SERPINA6: variants seen among roughly 807,000 people sequenced by gnomAD.
SERPINA6 encodes serpin family A member 6.
In SERPINA6, 19 loss-of-function variants were observed where a neutral mutation model predicts 26.4. The observed-to-expected ratio is 0.72, with a 90% CI of 0.50 to 1.06. The LOEUF (loss-of-function observed/expected upper bound fraction) is 1.06, where lower values mean the gene tolerates loss of function less well. Ranked by LOEUF, SERPINA6 falls within the 50% of genes least tolerant of loss-of-function variation. SERPINA6 has a pLI of 0.00. For missense variants in SERPINA6, 473 were observed against 504.0 expected (o/e 0.94, Z 0.59); for synonymous variants, 196 against 199.4 (o/e 0.98, Z 0.14).
At chr14:94,309,346 G>A (rs2139717774) in intron 3 of SERPINA6, among the ~76,000 whole-genome samples, 1 of 152,040 alleles carries the variant, frequency 6.6e-6, no homozygotes, top group African/African-American at 2.4e-5. Flanking sequence ...TTTCTATGGG[G>A]TCTTCCAAGA....
chr14:94,311,517 TAGG>T (rs1362781646), intron 2 of SERPINA6, among the ~76,000 whole-genome samples: 1 of 152,108 alleles, frequency 6.6e-6, no homozygotes, highest in African/African-American at 2.4e-5. Flanking sequence ...CAAAAAGTTC[TAGG>T]AGAATTGGTG....
At chr14:94,318,036 C>G (rs552710461) in intron 1 of SERPINA6, among the ~76,000 whole-genome samples, 2 of 152,220 alleles carry the variant, frequency 1.3e-5, no homozygotes, top group Non-Finnish European at 2.9e-5. Flanking sequence ...TTTCCCACCA[C>G]TAACAAAGAA....
In SERPINA6 at chr14:94,304,444, G is replaced by A; in HGVS notation, c.1192C>T (p.Leu398=). The change falls in exon 5 of 5, where the codon CTG becomes TTG. Residue 398 remains leucine, a synonymous_variant. Transcript: ENST00000341584. ...FDHFTWSSLF[L]ARVMNPV is the part of the protein sequence containing the mutation. ...TACACTGGGTTCATAACCCTCGCCA[G>A]GAAAAGGCTGCTCCAGGTGAAGTGG... 1 of 1,614,178 alleles carries A rather than the reference G, an allele frequency of 6.2e-7. No individual in the cohort carries two copies. Among genetic ancestry groups the A allele is most frequent in the East Asian group, 2.2e-5 (1 of 44,882 alleles).
At chr14:94,314,015 G>A in intron 2 of SERPINA6, 21 bp downstream of exon 2, 1 of 1,614,090 alleles carries the variant, frequency 6.2e-7, no homozygotes, top group African/African-American at 1.3e-5. Context: ...TGGGCCTTCA[G>A]ATGGGGATGG....
At chr14:94,314,694 T>C (rs753852398) in intron 1 of SERPINA6, 27 bp from the exon 2 acceptor site, 6 of 1,603,140 alleles carry the variant, frequency 3.7e-6, no homozygotes, top group Non-Finnish European at 2.5e-6. Flanking sequence ...GCTTGTTAGA[T>C]GCTGTGGCAG....
At chr14:94,306,316 T>C in intron 3 of SERPINA6, 98 bp from the exon 4 acceptor site, 2 of 1,313,766 alleles carry the variant, frequency 1.5e-6, no homozygotes, top group East Asian at 2.4e-5. Flanking sequence ...TATTTCCTCA[T>C]GCGCTCCCTC....
intron 1 of SERPINA6, among the ~76,000 whole-genome samples, chr14:94,321,629 C>T (rs546904689): frequency 1.3e-5 from 2 of 152,160 alleles, no homozygotes; most frequent in African/African-American, 4.8e-5. Flanking sequence ...GAGCAGGGAA[C>T]AAAGATGGAT....
chr14:94,322,813 A>G (rs1331562150), intron 1 of SERPINA6, among the ~76,000 whole-genome samples: 1 of 151,972 alleles, frequency 6.6e-6, no homozygotes, highest in Admixed American at 6.6e-5. Context: ...GGTCTGCGTG[A>G]CTCAGAAGAA....
intron 1 of SERPINA6, 39 bp from the exon 2 acceptor site, chr14:94,314,706 CT>C (rs1895589042): frequency 6.3e-7 from 1 of 1,595,172 alleles, no homozygotes; most frequent in Non-Finnish European, 8.5e-7. Flanking sequence ...CTGTGGCAGT[CT>C]CTGAGTCAAT....
chr14:94,306,020 A>G (rs1566725628), intron 4 of SERPINA6, 51 bp downstream of exon 4: 1 of 1,606,800 alleles, frequency 6.2e-7, no homozygotes, highest in Non-Finnish European at 8.5e-7. Context: ...TATTATATTT[A>G]TATTGTGAAT....
intron 1 of SERPINA6, among the ~76,000 whole-genome samples, chr14:94,315,065 T>C (rs1477875969): frequency 6.6e-6 from 1 of 152,164 alleles, no homozygotes; most frequent in Non-Finnish European, 1.5e-5. Context: ...AATTAAAGCA[T>C]TCCCAGAAAA....
At chr14:94,318,037 T>C (rs73346810) in intron 1 of SERPINA6, among the ~76,000 whole-genome samples, 1 of 152,068 alleles carries the variant, frequency 6.6e-6, no homozygotes, top group Non-Finnish European at 1.5e-5. Flanking sequence ...TTCCCACCAC[T>C]AACAAAGAAA....
Position 94,314,331 on chromosome 14 carries a change from G to A in SERPINA6, c.318C>T (p.His106=), listed in dbSNP as rs200497926. ...NLTERSETEI[H]QGFQHLHQLF... is the part of the protein sequence containing the mutation. ...GTTGGTGCAGGTGCTGGAAACCCTG[G>A]TGGATCTCAGTCTCAGACCTCTCAG... The change falls in exon 2 of 5, where the codon CAC becomes CAT. Residue 106 remains histidine, a synonymous_variant. Coordinates refer to ENST00000341584, the MANE Select transcript of SERPINA6 (RefSeq NM_001756.4). The A allele has an allele frequency of 3.1e-6, 5 of 1,614,170 alleles. No homozygotes were observed. Among genetic ancestry groups the A allele is most frequent in the Admixed American group, 1.7e-5 (1 of 60,012 alleles).
At chr14:94,318,430 C>A (rs1322691085) in intron 1 of SERPINA6, among the ~76,000 whole-genome samples, 1 of 152,100 alleles carries the variant, frequency 6.6e-6, no homozygotes. Flanking sequence ...TACTACAAAA[C>A]TATAATAATC....
chr14:94,305,115 C>G (rs961091504), intron 4 of SERPINA6, among the ~76,000 whole-genome samples: 1 of 152,148 alleles, frequency 6.6e-6, no homozygotes, highest in African/African-American at 2.4e-5. Context: ...TAGCTTGTAT[C>G]AAAAGACTCT....
At chr14:94,309,148 C>G (rs927132243) in intron 3 of SERPINA6, among the ~76,000 whole-genome samples, 2 of 152,252 alleles carry the variant, frequency 1.3e-5, no homozygotes, top group Non-Finnish European at 2.9e-5. Flanking sequence ...TGGCTACTGC[C>G]TCTTCAGGAT....
At chr14:94,313,359 T>C (rs1380865503) in intron 2 of SERPINA6, among the ~76,000 whole-genome samples, 2 of 152,216 alleles carry the variant, frequency 1.3e-5, no homozygotes, top group Non-Finnish European at 2.9e-5. Flanking sequence ...GGCCTTGAGA[T>C]GGGCAGCCTA....
intron 3 of SERPINA6, among the ~76,000 whole-genome samples, chr14:94,306,804 A>G (rs1279667343): frequency 1.3e-5 from 2 of 152,242 alleles, no homozygotes; most frequent in Non-Finnish European, 2.9e-5. Context: ...TGGGGTTTCT[A>G]GAAAGGTAAG....
In SERPINA6 at chr14:94,314,542, T is replaced by G. The variant is rs148218218; in HGVS notation, c.107A>C (p.His36Pro). ...NAAYVNMSNHHRGLASANVDF... is the reference protein window; with the variant it reads ...NAAYVNMSNHPRGLASANVDF... Reference sequence around the variant, plus strand: ...AACGTTGGCTGAAGCCAGGCCCCGGTGATGGTTACTCATGTTCACATAAGC... The same window carrying G: ...AACGTTGGCTGAAGCCAGGCCCCGGGGATGGTTACTCATGTTCACATAAGC... The change falls in exon 2 of 5, where the codon CAC (histidine) becomes CCC (proline). Residue 36 changes from histidine (H) to proline (P), a missense_variant. By Grantham distance (77) the His-to-Pro change is moderately conservative. Coordinates refer to ENST00000341584, the MANE Select transcript of SERPINA6 (RefSeq NM_001756.4). The G allele has an allele frequency of 5.0e-6, 8 of 1,614,166 alleles. No individual in the cohort carries two copies. The highest frequency in any genetic ancestry group is 6.8e-6 in the Non-Finnish European group (8 of 1,180,020).
Sources: gnomAD v4.1 joint callset for allele counts (sites outside exome capture counted in the v4.1 genomes callset) on GRCh38, gnomAD v4.1.1 for gene constraint, MANE v1.5 for transcripts, NCBI Gene and HGNC (gene_info 2026-07-23, HGNC 2026-07-21) for gene names.